The following VPS37A variants were observed in gnomAD, a reference collection of about 807,000 sequenced individuals.
The protein encoded by VPS37A is VPS37A subunit of ESCRT-I, also known as vacuolar protein sorting-associated protein 37A.
A neutral mutation model predicts 49.8 loss-of-function variants in VPS37A; 30 were observed. The observed-to-expected ratio is 0.60, with a 90% CI of 0.45 to 0.82. The LOEUF is 0.82. Ranked by LOEUF, VPS37A falls within the 40% of genes least tolerant of loss-of-function variation. The pLI is 0.00. For synonymous variants in VPS37A, 195 were observed against 160.6 expected, an observed-to-expected ratio of 1.21 and a Z score of -1.62; for missense variants, 593 against 464.4, an observed-to-expected ratio of 1.28 and a Z score of -2.55.
At position 17,276,249 on chromosome 8, in the gene VPS37A, G is replaced by C. The variant is rs184593603; in HGVS notation, c.643-148G>C. Reference sequence around the variant, plus strand: ...AGAAGACAGACTGAAGGAAGAAGGGGAGACTAAGGCAGTGTGAGATGTGAA... The same window carrying C: ...AGAAGACAGACTGAAGGAAGAAGGGCAGACTAAGGCAGTGTGAGATGTGAA... On this transcript the variant is annotated intron_variant, in intron 5 of 11. Transcript: ENST00000324849. 4 of 616,858 alleles carry C rather than the reference G, an allele frequency of 6.5e-6. No homozygotes were observed. In the African/African-American group the frequency reaches 7.6e-5, roughly 12 times the overall value. 38.2% of individuals were successfully genotyped at this position (616,858 alleles called of 1,614,324 possible).
the VPS37A span, among the ~76,000 whole-genome samples, chr8:17,321,009 C>A: frequency 6.8e-6 from 1 of 147,750 alleles, no homozygotes; most frequent in Non-Finnish European, 1.5e-5. Flanking sequence ...TTTTTTTTTA[C>A]TGAACAGGCC....
At chr8:17,268,445 T>A in intron 3 of VPS37A, 73 bp downstream of exon 3, 3 of 1,158,362 alleles carry the variant, frequency 2.6e-6, no homozygotes, top group Non-Finnish European at 3.7e-6. Context: ...ATTTTAGAAA[T>A]CTGAAATGCA....
chr8:17,265,690 C>T, intron 1 of VPS37A: 1 of 1,299,536 alleles, frequency 7.7e-7, no homozygotes, highest in South Asian at 1.3e-5. Context: ...CATCATCCCC[C>T]TTCCCCTGGA....
At chr8:17,276,507 A>C (rs761855804) in intron 6 of VPS37A, 40 bp downstream of exon 6, 22 of 1,555,148 alleles carry the variant, frequency 1.4e-5, no homozygotes, top group Non-Finnish European at 1.8e-5. Context: ...TGTCTATTTT[A>C]TTTGTAAGCA....
intron 1 of VPS37A, among the ~76,000 whole-genome samples, chr8:17,255,260 C>T (rs775195582): frequency 7.2e-5 from 11 of 152,130 alleles, no homozygotes; most frequent in Non-Finnish European, 1.2e-4. Flanking sequence ...GCGGGTGGAT[C>T]GCCTGAGGTC....
chr8:17,269,333 C>G (rs1246809491), intron 4 of VPS37A, among the ~76,000 whole-genome samples: 24 of 152,074 alleles, frequency 1.6e-4, no homozygotes, highest in Admixed American at 1.6e-3. Context: ...TACTGTGACT[C>G]TCAATATTGT....
At chr8:17,330,020 C>G in the VPS37A span, among the ~76,000 whole-genome samples, 3 of 152,166 alleles carry the variant, frequency 2.0e-5, no homozygotes, top group Non-Finnish European at 4.4e-5. Flanking sequence ...TTGGCCTAAT[C>G]CTGTCATTCT....
intron 6 of VPS37A, among the ~76,000 whole-genome samples, chr8:17,279,543 G>A (rs1814838436): frequency 6.6e-6 from 1 of 151,946 alleles, no homozygotes. Flanking sequence ...GTTCCTATCA[G>A]GGAAATTTAA....
At chr8:17,302,397 T>C, downstream of VPS37A, 1 of 1,229,538 alleles carries the variant, frequency 8.1e-7, no homozygotes, top group Non-Finnish European at 1.1e-6. Flanking sequence ...AATGCAAATT[T>C]CAGCCTCAAA....
intron 1 of VPS37A, 104 bp downstream of exon 1, chr8:17,247,473 A>C (rs536072201): frequency 5.1e-4 from 742 of 1,444,198 alleles, no homozygotes; most frequent in Non-Finnish European, 6.2e-4. Context: ...CCAGCTCCTC[A>C]TGTGGTTTAC....
At chr8:17,282,205 T>C (rs555139908) in intron 9 of VPS37A, among the ~76,000 whole-genome samples, 1 of 152,234 alleles carries the variant, frequency 6.6e-6, no homozygotes, top group Non-Finnish European at 1.5e-5. Context: ...ATTATTTCTA[T>C]GGAACAGACT....
intron 1 of VPS37A, among the ~76,000 whole-genome samples, chr8:17,248,159 T>G (rs1383235824): frequency 1.3e-5 from 2 of 152,256 alleles, no homozygotes; most frequent in Middle Eastern, 3.2e-3. Flanking sequence ...TTTTCAAAAA[T>G]TAGAACTGCT....
intron 5 of VPS37A, among the ~76,000 whole-genome samples, chr8:17,276,045 A>G (rs189063792): frequency 9.2e-5 from 14 of 152,284 alleles, no homozygotes; most frequent in Admixed American, 9.2e-4. Context: ...GACTGTTGAT[A>G]AATTATTGCT....
the VPS37A span, chr8:17,313,234 T>A: frequency 5.3e-6 from 7 of 1,315,414 alleles, no homozygotes; most frequent in Non-Finnish European, 6.6e-6. Context: ...GGATACCCAT[T>A]TTGAAGTCAG....
chr8:17,255,173 A>G (rs1053819217), intron 1 of VPS37A, among the ~76,000 whole-genome samples: 27 of 152,250 alleles, frequency 1.8e-4, no homozygotes, highest in African/African-American at 6.0e-4. Context: ...ATAAACATAA[A>G]TACAAAATAT....
intron 1 of VPS37A, among the ~76,000 whole-genome samples, chr8:17,251,155 C>G (rs1811939401): frequency 6.6e-6 from 1 of 152,110 alleles, no homozygotes; most frequent in Non-Finnish European, 1.5e-5. Flanking sequence ...ATTGTTTATG[C>G]CAGTGATGAT....
downstream of VPS37A, among the ~76,000 whole-genome samples, chr8:17,306,187 G>C (rs905750388): frequency 4.6e-5 from 7 of 152,120 alleles, no homozygotes; most frequent in Non-Finnish European, 8.8e-5. Context: ...AGTTACAAAA[G>C]AAAGTGTTAG....
chr8:17,274,823 T>C lies in VPS37A; in HGVS notation c.507T>C (p.Ser169=). Reference sequence around the variant, plus strand: ...ATCCTCCACAAGAAGCAAACAGGAGTATCACTTCTTTATCTGTTGCTGACA... The same window carrying C: ...ATCCTCCACAAGAAGCAAACAGGAGCATCACTTCTTTATCTGTTGCTGACA... ...PPYPPQEANR[S]ITSLSVADTV... The change falls in exon 5 of 12, where the codon AGT becomes AGC. Residue 169 remains serine, a synonymous_variant. Coordinates refer to ENST00000324849, the MANE Select transcript of VPS37A (RefSeq NM_152415.3). 6.2e-7 allele frequency: 1 copy of C among 1,614,060 alleles called. No individual in the cohort carries two copies. Among genetic ancestry groups the C allele is most frequent in the Non-Finnish European group, 8.5e-7 (1 of 1,179,988 alleles).
At chr8:17,281,508 G>GA (rs1243434145) in intron 9 of VPS37A, among the ~76,000 whole-genome samples, 1 of 151,866 alleles carries the variant, frequency 6.6e-6, no homozygotes, top group African/African-American at 2.4e-5. Flanking sequence ...TTTCTTATTT[G>GA]AAAAAGAATA....
Sources: allele counts gnomAD v4.1 joint callset (sites outside exome capture counted in the v4.1 genomes callset), GRCh38; gene constraint gnomAD v4.1.1; transcripts MANE v1.5; gene names NCBI Gene and HGNC (gene_info 2026-07-23, HGNC 2026-07-21).